The following MERTK variants were observed in gnomAD, a reference collection of about 807,000 sequenced individuals.
The protein encoded by MERTK is MER proto-oncogene, tyrosine kinase.
A neutral mutation model predicts 99.3 loss-of-function variants in MERTK; 69 were observed. The ratio of observed to expected loss-of-function variants is 0.70; its 90% CI spans 0.57 to 0.85. The LOEUF is 0.85. MERTK is among the 40% of genes least tolerant of loss of function. MERTK has a pLI of 0.00. For synonymous variants in MERTK, 426 were observed against 467.6 expected, an observed-to-expected ratio of 0.91 and a Z score of 1.15; for missense variants, 1,125 against 1,249.4, an observed-to-expected ratio of 0.90 and a Z score of 1.50.
intron 9 of MERTK, 156 bp from the exon 10 acceptor site, chr2:111,997,167 T>A: frequency 1.2e-6 from 1 of 866,468 alleles, no homozygotes; most frequent in Non-Finnish European, 2.0e-6. Context: ...TCTCTTCGCA[T>A]GGTCTCAGCT....
At chr2:111,910,233 C>T (rs1684216367) in intron 1 of MERTK, among the ~76,000 whole-genome samples, 1 of 151,498 alleles carries the variant, frequency 6.6e-6, no homozygotes, top group African/African-American at 2.4e-5. Flanking sequence ...TTACTGCACT[C>T]CAGCCTGGGC....
rs1344610709 is a variant in MERTK, at chr2:111,900,907, T to C, written c.61+2111T>C. Among the ~76,000 whole-genome samples, 7 of 152,364 alleles carry C rather than the reference T, an allele frequency of 4.6e-5. No homozygotes were observed. The East Asian group carries it at 1.3e-3, about 29-fold the overall frequency. ...CACATTGTGGGTCTGAGTGCTTTGC[T>C]GACCACACAGGGGAGACAGAGAGAG... is the stretch of plus-strand genomic sequence containing the variant. On this transcript the variant is annotated intron_variant, in intron 1 of 18. Transcript: ENST00000295408.
At chr2:111,948,497 G>A (rs1420743286) in intron 4 of MERTK, among the ~76,000 whole-genome samples, 1 of 152,088 alleles carries the variant, frequency 6.6e-6, no homozygotes, top group Non-Finnish European at 1.5e-5. Context: ...GTATCCAACC[G>A]CCTCCTTGGC....
In MERTK at chr2:111,975,386, C is replaced by A; in HGVS notation, c.1058C>A (p.Ala353Asp). The change falls in exon 7 of 19, where the codon GCT (alanine) becomes GAT (aspartate). Residue 353 changes from alanine (A) to aspartate (D), a missense_variant. Ala to Asp is a moderately radical substitution (Grantham distance 126). Transcript: ENST00000295408. ...LYQIKQLQAL[A>D]NYSIGVSCMN... ...CAAATCAAGCAGCTGCAAGCCCTGG[C>A]TAATTACAGCATTGGTGTTTCCTGC... 6.2e-7 allele frequency: 1 copy of A among 1,614,172 alleles called. No homozygotes were observed. Among genetic ancestry groups the A allele is most frequent in the Non-Finnish European group, 8.5e-7 (1 of 1,180,014 alleles).
chr2:111,922,481 C>T (rs1490600896), intron 1 of MERTK, among the ~76,000 whole-genome samples: 2 of 152,194 alleles, frequency 1.3e-5, no homozygotes, highest in East Asian at 1.9e-4. Flanking sequence ...CTAGTATTGC[C>T]CTTCCCCATG....
chr2:111,983,792 G>A (rs575283926), intron 8 of MERTK, among the ~76,000 whole-genome samples: 13 of 152,314 alleles, frequency 8.5e-5, no homozygotes, highest in East Asian at 5.8e-4. Context: ...CACTGCCCAC[G>A]TGACTAGCCC....
At chr2:111,921,894 T>C (rs993613122) in intron 1 of MERTK, among the ~76,000 whole-genome samples, 1 of 152,088 alleles carries the variant, frequency 6.6e-6, no homozygotes, top group Non-Finnish European at 1.5e-5. Flanking sequence ...GCCTCTTGAG[T>C]TTGAGGCTGA....
In MERTK at chr2:112,029,390, A is replaced by AT; in HGVS notation, c.*526_*527insT. 1.7e-5 allele frequency: 16 copies of AT among 924,958 alleles called. No individual in the cohort carries two copies. The South Asian group carries it at 2.0e-4, about 12-fold the overall frequency. The allele number at this position is 924,958 out of a possible 1,614,324, so 57.3% of individuals were successfully genotyped here. ...GAAGGATATGTTGAACTTACTTGAGACTTGAAAGACAGTGGTCGGCAGCGG... is the reference window on the plus strand; with the variant it reads ...GAAGGATATGTTGAACTTACTTGAGATCTTGAAAGACAGTGGTCGGCAGCGG... On this transcript the variant is annotated 3_prime_UTR_variant, in exon 19 of 19. Transcript: ENST00000295408.
Position 112,008,483 on chromosome 2 carries a change from C to A in MERTK, c.1960+8C>A. ...ATGTCATTCGACTTCTAGGTACTTCCGAGAAATGCAGGAGTGGGTGGCCAA... is the reference window on the plus strand; with the variant it reads ...ATGTCATTCGACTTCTAGGTACTTCAGAGAAATGCAGGAGTGGGTGGCCAA... On this transcript the variant is annotated splice_region_variant and intron_variant, in intron 14 of 18. Transcript: ENST00000295408. The A allele has an allele frequency of 1.2e-6, 2 of 1,610,220 alleles. No individual in the cohort carries two copies. The highest frequency in any genetic ancestry group is 1.7e-6 in the Non-Finnish European group (2 of 1,176,480).
intron 1 of MERTK, among the ~76,000 whole-genome samples, chr2:111,900,375 C>G (rs1360786093): frequency 6.6e-6 from 1 of 152,214 alleles, no homozygotes; most frequent in African/African-American, 2.4e-5. Context: ...GCCCCTCCCT[C>G]CACCAAACCT....
chr2:112,008,353 A>T, intron 13 of MERTK, 30 bp from the exon 14 acceptor site: 1 of 1,554,682 alleles, frequency 6.4e-7, no homozygotes, highest in Non-Finnish European at 8.9e-7. Flanking sequence ...TAAATTATCC[A>T]TACTTAACCT....
At chr2:112,004,804 A>G (rs558074628) in intron 13 of MERTK, among the ~76,000 whole-genome samples, 1 of 152,122 alleles carries the variant, frequency 6.6e-6, no homozygotes, top group African/African-American at 2.4e-5. Flanking sequence ...CAGGTGACTG[A>G]GGCAGGAGAA....
intron 18 of MERTK, among the ~76,000 whole-genome samples, chr2:112,022,805 A>G (rs1677383702): frequency 6.6e-6 from 1 of 152,148 alleles, no homozygotes; most frequent in African/African-American, 2.4e-5. Context: ...AGCATTTCAA[A>G]CACTCCACTC....
At chr2:111,910,236 G>A (rs1684216507) in intron 1 of MERTK, among the ~76,000 whole-genome samples, 1 of 151,596 alleles carries the variant, frequency 6.6e-6, no homozygotes. Context: ...CTGCACTCCA[G>A]CCTGGGCAAC....
At position 112,021,674 on chromosome 2, in the gene MERTK, C is replaced by T. The variant is rs113480260; in HGVS notation, c.2349+93C>T. ...TCAGCTGGTATGGCAAGACATTTTA[C>T]TCTTTGATAAACTGAGGGTTGGCAG... On this transcript the variant is annotated intron_variant, in intron 17 of 18. Coordinates refer to ENST00000295408, the MANE Select transcript of MERTK (RefSeq NM_006343.3). 1,221 of 1,221,756 alleles carry T rather than the reference C, an allele frequency of 1.0e-3. 9 individuals are homozygous for T. The African/African-American group carries it at 0.015, about 15-fold the overall frequency. 75.7% of individuals were successfully genotyped at this position (1,221,756 alleles called of 1,614,324 possible).
intron 8 of MERTK, among the ~76,000 whole-genome samples, chr2:111,989,748 C>G (rs1676571977): frequency 6.6e-6 from 1 of 152,124 alleles, no homozygotes; most frequent in Admixed American, 6.5e-5. Context: ...AACTCTAATG[C>G]CACACATAGG....
chr2:111,942,069 T>C (rs1684875404), intron 2 of MERTK, among the ~76,000 whole-genome samples: 1 of 152,200 alleles, frequency 6.6e-6, no homozygotes, highest in African/African-American at 2.4e-5. Context: ...CCTGGGGCTG[T>C]GCCCCACCTC....
chr2:112,029,180 G>T lies in MERTK; in HGVS notation c.*316G>T. 9.8e-7 allele frequency: 1 copy of T among 1,018,378 alleles called. No homozygotes were observed. Among genetic ancestry groups the T allele is most frequent in the Non-Finnish European group, 1.2e-6 (1 of 846,388 alleles). 63.1% of individuals were successfully genotyped at this position (1,018,378 alleles called of 1,614,324 possible). The stretch of plus-strand genomic sequence containing the variant: ...TTGATATTAACATTTGTACAGAGTT[G>T]AAGTTGTTTTTTCAAGTTCTTTTCT... On this transcript the variant is annotated 3_prime_UTR_variant, in exon 19 of 19. Transcript: ENST00000295408.
At chr2:111,976,862 T>C (rs1421123486) in intron 7 of MERTK, among the ~76,000 whole-genome samples, 1 of 152,072 alleles carries the variant, frequency 6.6e-6, no homozygotes. Flanking sequence ...CTTTTAGTGG[T>C]TGCTTTAGGA....
Sources: gnomAD v4.1 joint callset for allele counts (sites outside exome capture counted in the v4.1 genomes callset) on GRCh38, gnomAD v4.1.1 for gene constraint, MANE v1.5 for transcripts, NCBI Gene and HGNC (gene_info 2026-07-23, HGNC 2026-07-21) for gene names.